RBL1: variants seen among roughly 807,000 people sequenced by gnomAD.
RBL1 encodes the protein retinoblastoma-like protein 1.
Under a neutral mutation model 123.0 loss-of-function variants are expected in RBL1, and 82 were observed. The observed-to-expected ratio is 0.67, with a 90% CI of 0.56 to 0.80. The LOEUF is 0.80. Among genes scored for constraint, RBL1 ranks in the 30% least tolerant of loss-of-function variants. The pLI is 0.00. For synonymous variants in RBL1, 405 were observed against 441.3 expected (o/e 0.92, Z 1.03); for missense variants, 1,171 against 1,299.6 (o/e 0.90, Z 1.52).
At chr20:37,014,553 C>G (rs547181261) in intron 19 of RBL1, among the ~76,000 whole-genome samples, 3 of 151,992 alleles carry the variant, frequency 2.0e-5, no homozygotes, top group Admixed American at 2.0e-4. Context: ...AATCCCAGCA[C>G]TTTGGGAGGC....
At chr20:37,018,936 A>G (rs2064298890) in intron 18 of RBL1, among the ~76,000 whole-genome samples, 1 of 152,218 alleles carries the variant, frequency 6.6e-6, no homozygotes, top group South Asian at 2.1e-4. Flanking sequence ...CAACAGAGCA[A>G]GACTCTGCTC....
intron 3 of RBL1, among the ~76,000 whole-genome samples, chr20:37,067,726 G>T (rs1264385083): frequency 1.6e-5 from 2 of 126,452 alleles, no homozygotes; most frequent in African/African-American, 6.1e-5. Context: ...GCCGAGATCA[G>T]GACACTGCAC....
At chr20:37,058,028 G>A (rs1383758059) in intron 9 of RBL1, among the ~76,000 whole-genome samples, 4 of 151,646 alleles carry the variant, frequency 2.6e-5, no homozygotes, top group African/African-American at 9.7e-5. Context: ...AGGAGGCTGA[G>A]GCAGGAGAAT....
At position 37,068,273 on chromosome 20, in the gene RBL1, A is replaced by C. The variant is rs77632935; in HGVS notation, c.291-87T>G. The stretch of plus-strand genomic sequence containing the variant: ...AGGAAATATTCTATTCATGACTAAG[A>C]CTCTTTATTAAAAAGCCAGATTTCC... On this transcript the variant is annotated intron_variant, in intron 2 of 21. Coordinates refer to ENST00000373664, the MANE Select transcript of RBL1 (RefSeq NM_002895.5). 1.2e-3 allele frequency: 1,717 copies of C among 1,458,264 alleles called. 23 individuals are homozygous for C. In the East Asian group the frequency reaches 0.034, roughly 29 times the overall value. 90.3% of individuals were successfully genotyped at this position (1,458,264 alleles called of 1,614,324 possible). A position where few individuals can be genotyped will look rare whatever the true frequency, so the allele number is the denominator to read the frequency against.
At chr20:37,043,835 G>C (rs146547851) in intron 13 of RBL1, among the ~76,000 whole-genome samples, 37 of 152,256 alleles carry the variant, frequency 2.4e-4, no homozygotes, top group African/African-American at 8.4e-4. Context: ...AAGTAGATTA[G>C]TGGTTACTTA....
Position 37,044,020 on chromosome 20 carries a change from C to G in RBL1, c.1770+66G>C, listed in dbSNP as rs2064774817. On this transcript the variant is annotated intron_variant, in intron 13 of 21. Coordinates refer to ENST00000373664, the MANE Select transcript of RBL1 (RefSeq NM_002895.5). ...GAACTCTATGGTATAGGAATTATCT[C>G]TCAATAAAGCTGGTTTTTTTTTTTT... The G allele has an allele frequency of 2.2e-6, 3 of 1,333,848 alleles. No individual in the cohort carries two copies. In the African/African-American group the frequency reaches 4.6e-5, roughly 20 times the overall value. The allele number at this position is 1,333,848 out of a possible 1,614,324, so 82.6% of individuals were successfully genotyped here.
intron 19 of RBL1, among the ~76,000 whole-genome samples, chr20:37,009,771 G>A (rs1232244066): frequency 2.0e-5 from 3 of 152,142 alleles, no homozygotes; most frequent in African/African-American, 7.2e-5. Flanking sequence ...CATAAGGTAA[G>A]GAGCTATACT....
chr20:37,093,305 T>C (rs1480162979), intron 1 of RBL1, among the ~76,000 whole-genome samples: 1 of 151,964 alleles, frequency 6.6e-6, no homozygotes, highest in Non-Finnish European at 1.5e-5. Context: ...AAACACTGGA[T>C]AGAATAAACA....
intron 2 of RBL1, among the ~76,000 whole-genome samples, chr20:37,085,104 C>G (rs1381456583): frequency 6.7e-6 from 1 of 149,626 alleles, no homozygotes; most frequent in African/African-American, 2.4e-5. Context: ...ACGGAGAGTG[C>G]CAAAAGGAGA....
chr20:37,020,379 G>A (rs1004260724), intron 18 of RBL1, among the ~76,000 whole-genome samples: 3 of 152,000 alleles, frequency 2.0e-5, no homozygotes, highest in Non-Finnish European at 2.9e-5. Context: ...GTGAGACACC[G>A]CACCCAGCCA....
chr20:37,050,095 A>G (rs1445747218), intron 11 of RBL1, among the ~76,000 whole-genome samples: 5 of 152,122 alleles, frequency 3.3e-5, no homozygotes, highest in Middle Eastern at 3.4e-3. Context: ...GAGAAAAAAA[A>G]TGGAGAAAAA....
At chr20:37,046,230 C>A (rs902073743) in intron 12 of RBL1, among the ~76,000 whole-genome samples, 2 of 152,024 alleles carry the variant, frequency 1.3e-5, no homozygotes, top group Non-Finnish European at 2.9e-5. Context: ...TGGTAGAAAG[C>A]GTTTTTTGTT....
At position 37,068,139 on chromosome 20, in the gene RBL1, T is replaced by A; in HGVS notation, c.338A>T (p.Asn113Ile). 6.2e-7 allele frequency: 1 copy of A among 1,612,128 alleles called. No homozygotes were observed. Among genetic ancestry groups the A allele is most frequent in the Non-Finnish European group, 8.5e-7 (1 of 1,179,300 alleles). Residue 113 changes from asparagine to isoleucine, a missense_variant, in exon 3 of 22, where the codon AAT (asparagine) becomes ATT (isoleucine). Transcript: ENST00000373664. The stretch of plus-strand genomic sequence containing the variant: ...ACGTTCACGAAATTCTTGTGGTAGA[T>A]TTGACATGTCCATCCATTTCTTCAT... ...SKMKKWMDMS[N>I]LPQEFRERIE... is the part of the protein sequence containing the mutation.
rs2064184868 is a variant in RBL1, at chr20:37,012,902, C to T, written c.2723-5343G>A. Among the ~76,000 whole-genome samples the T allele has an allele frequency of 2.0e-5, 3 of 148,378 alleles. No individual in the cohort carries two copies. In the South Asian group the frequency reaches 6.4e-4, roughly 32 times the overall value. On this transcript the variant is annotated intron_variant, in intron 19 of 21. Coordinates refer to ENST00000373664, the MANE Select transcript of RBL1 (RefSeq NM_002895.5). ...CCCTCTGCCCGGCCAGCCGCCCCGT[C>T]CGGGAGGGAGGTGGGGGGTTCAGCC...
At chr20:37,038,344 C>T (rs1372893331) in intron 14 of RBL1, among the ~76,000 whole-genome samples, 1 of 149,198 alleles carries the variant, frequency 6.7e-6, no homozygotes, top group African/African-American at 2.5e-5. Flanking sequence ...CTCTTTCGCC[C>T]AGGCTGGAGG....
chr20:37,059,723 C>T (rs1229203826), intron 9 of RBL1, among the ~76,000 whole-genome samples: 1 of 152,084 alleles, frequency 6.6e-6, no homozygotes, highest in Non-Finnish European at 1.5e-5. Flanking sequence ...ATATCTCTCT[C>T]CTCATTTGGT....
intron 16 of RBL1, among the ~76,000 whole-genome samples, chr20:37,030,854 C>CA (rs111256421): frequency 0.18 from 18,551 of 101,522 alleles, 1,821 homozygotes; most frequent in East Asian, 0.52. Flanking sequence ...GACTCTGTCT[C>CA]AAAAAAAAAA....
chr20:37,011,088 G>A (rs142282820), intron 19 of RBL1, among the ~76,000 whole-genome samples: 2,616 of 152,138 alleles, frequency 0.017, 38 homozygotes, highest in Non-Finnish European at 0.026. Context: ...CCAAAGTGCT[G>A]GGATTACAGG....
chr20:37,016,757 C>A (rs1362499120), intron 19 of RBL1, among the ~76,000 whole-genome samples: 1 of 151,362 alleles, frequency 6.6e-6, no homozygotes, highest in Middle Eastern at 3.2e-3. Flanking sequence ...CAAAATCCCA[C>A]CTCTACAAAA....
Sources: allele counts gnomAD v4.1 joint callset (sites outside exome capture counted in the v4.1 genomes callset), GRCh38; gene constraint gnomAD v4.1.1; transcripts MANE v1.5; gene names NCBI Gene and HGNC (gene_info 2026-07-23, HGNC 2026-07-21).